The following TMEM132B variants were observed in gnomAD, a reference collection of about 807,000 sequenced individuals.
TMEM132B encodes transmembrane protein 132B.
In TMEM132B, 18 loss-of-function variants were observed where a neutral mutation model predicts 90.8. That is an observed-to-expected ratio of 0.20 (90% CI 0.14 to 0.29). The LOEUF is 0.29. Ranked by LOEUF, TMEM132B falls within the 10% of genes least tolerant of loss-of-function variation. TMEM132B has a pLI of 1.00. For missense variants in TMEM132B, 1,096 were observed against 1,326.8 expected (o/e 0.83, Z 2.70); for synonymous variants, 504 against 523.3 (o/e 0.96, Z 0.50).
intron 1 of TMEM132B, among the ~76,000 whole-genome samples, chr12:125,233,614 G>C (rs1873870806): frequency 6.6e-6 from 1 of 152,224 alleles, no homozygotes; most frequent in Non-Finnish European, 1.5e-5. Context: ...TAAACTTGGG[G>C]TTCCCTTTTT....
chr12:125,200,292 C>A (rs995874291), intron 1 of TMEM132B, among the ~76,000 whole-genome samples: 1 of 152,102 alleles, frequency 6.6e-6, no homozygotes, highest in Non-Finnish European at 1.5e-5. Context: ...GCCTGAAGTC[C>A]TTTTTGACCA....
intron 4 of TMEM132B, among the ~76,000 whole-genome samples, chr12:125,528,961 C>CT (rs1883568749): frequency 8.6e-6 from 1 of 116,086 alleles, no homozygotes; most frequent in African/African-American, 3.8e-5. Flanking sequence ...TCCTTTCTTC[C>CT]CCCCTCTTTC....
intron 5 of TMEM132B, among the ~76,000 whole-genome samples, chr12:125,589,778 A>G (rs1441768114): frequency 6.6e-6 from 1 of 152,112 alleles, no homozygotes; most frequent in African/African-American, 2.4e-5. Flanking sequence ...ACTAAGTGGG[A>G]TGGTGCTGAA....
chr12:125,220,272 T>C (rs1055356336), intron 1 of TMEM132B, among the ~76,000 whole-genome samples: 1 of 152,208 alleles, frequency 6.6e-6, no homozygotes, highest in African/African-American at 2.4e-5. Context: ...AGGGGCCTCC[T>C]TCCTTCCTCA....
intron 3 of TMEM132B, among the ~76,000 whole-genome samples, chr12:125,437,171 T>C (rs1235654417): frequency 6.6e-6 from 1 of 152,162 alleles, no homozygotes; most frequent in African/African-American, 2.4e-5. Flanking sequence ...GGAGGGAGCA[T>C]GGGATTGGGG....
At chr12:125,400,336 A>G (rs1299656921) in intron 2 of TMEM132B, among the ~76,000 whole-genome samples, 3 of 152,198 alleles carry the variant, frequency 2.0e-5, no homozygotes, top group Non-Finnish European at 4.4e-5. Context: ...TTGCCTGGGG[A>G]AAGTTCTCAC....
chr12:125,596,222 T>C (rs183661749), intron 5 of TMEM132B, among the ~76,000 whole-genome samples: 1 of 152,312 alleles, frequency 6.6e-6, no homozygotes. Flanking sequence ...CTTTCAGAAG[T>C]TCACACTGCC....
chr12:125,344,196 A>T (rs1371359496), intron 1 of TMEM132B, among the ~76,000 whole-genome samples: 1 of 152,210 alleles, frequency 6.6e-6, no homozygotes, highest in African/African-American at 2.4e-5. Flanking sequence ...ATATAGCAGG[A>T]TGGAGTGATG....
At chr12:125,353,081 C>T in intron 2 of TMEM132B, among the ~76,000 whole-genome samples, 1 of 152,214 alleles carries the variant, frequency 6.6e-6, no homozygotes, top group East Asian at 1.9e-4. Context: ...CATATGCTTG[C>T]TGTAGACCAA....
intron 3 of TMEM132B, among the ~76,000 whole-genome samples, chr12:125,506,084 C>T (rs1882841952): frequency 6.6e-6 from 1 of 152,190 alleles, no homozygotes. Context: ...ACAGCATATT[C>T]ATTTTCAGTC....
At chr12:125,652,408 A>G (rs1886947243) in intron 7 of TMEM132B, 33 bp from the exon 8 acceptor site, 1 of 1,542,122 alleles carries the variant, frequency 6.5e-7, no homozygotes, top group Non-Finnish European at 8.8e-7. Context: ...CATGAGGAGC[A>G]GAGATGCATG....
intron 1 of TMEM132B, among the ~76,000 whole-genome samples, chr12:125,224,659 T>G (rs1196082153): frequency 6.6e-6 from 1 of 152,216 alleles, no homozygotes; most frequent in Non-Finnish European, 1.5e-5. Flanking sequence ...CGCTTAGAGG[T>G]GCACTTAGAT....
chr12:125,520,459 C>G (rs954097374), intron 4 of TMEM132B, among the ~76,000 whole-genome samples: 1 of 152,278 alleles, frequency 6.6e-6, no homozygotes, highest in South Asian at 2.1e-4. Context: ...AAAGTTGAGA[C>G]TCCTTTGAAC....
chr12:125,510,296 G>T (rs1882946301), intron 3 of TMEM132B, among the ~76,000 whole-genome samples: 1 of 152,144 alleles, frequency 6.6e-6, no homozygotes, highest in African/African-American at 2.4e-5. Context: ...TCAGCTCTGA[G>T]AAAATGTTGG....
At chr12:125,216,748 A>G (rs775090577) in intron 1 of TMEM132B, among the ~76,000 whole-genome samples, 1 of 152,158 alleles carries the variant, frequency 6.6e-6, no homozygotes, top group African/African-American at 2.4e-5. Context: ...CTGAGCTGGA[A>G]TGGTTGGGGA....
intron 3 of TMEM132B, among the ~76,000 whole-genome samples, chr12:125,448,722 T>C (rs1471378331): frequency 6.6e-6 from 1 of 152,148 alleles, no homozygotes; most frequent in Non-Finnish European, 1.5e-5. Context: ...GGTAAGTATA[T>C]ATTTAATTTT....
chr12:125,649,748 C>T (rs2137044745), intron 6 of TMEM132B, among the ~76,000 whole-genome samples: 1 of 152,272 alleles, frequency 6.6e-6, no homozygotes, highest in African/African-American at 2.4e-5. Flanking sequence ...AGTCACCAAA[C>T]AAAGCACTCT....
At chr12:125,363,698 G>A (rs1266310225) in intron 2 of TMEM132B, among the ~76,000 whole-genome samples, 1 of 152,138 alleles carries the variant, frequency 6.6e-6, no homozygotes, top group Admixed American at 6.5e-5. Context: ...GTAGCAGAAT[G>A]AGCATCCTTA....
chr12:125,221,945 C>T (rs1355183472), intron 1 of TMEM132B, among the ~76,000 whole-genome samples: 1 of 152,180 alleles, frequency 6.6e-6, no homozygotes, highest in Non-Finnish European at 1.5e-5. Flanking sequence ...TAAGATGACG[C>T]CTGCTCATGG....
Sources: gnomAD v4.1 joint callset for allele counts (sites outside exome capture counted in the v4.1 genomes callset) on GRCh38, gnomAD v4.1.1 for gene constraint, MANE v1.5 for transcripts, NCBI Gene and HGNC (gene_info 2026-07-23, HGNC 2026-07-21) for gene names.